CDH4: variants seen among roughly 807,000 people sequenced by gnomAD.
CDH4 encodes the protein cadherin 4, also known as cadherin-4.
CDH4 carries 33 observed loss-of-function variants against 86.0 expected under a neutral mutation model. That is an observed-to-expected ratio of 0.38 (90% CI 0.29 to 0.51). The LOEUF is 0.51. Among genes scored for constraint, CDH4 ranks in the 20% least tolerant of loss-of-function variants. CDH4 has a pLI of 0.86. For missense variants in CDH4, 1,114 were observed against 1,307.4 expected, an observed-to-expected ratio of 0.85 and a Z score of 2.28; for synonymous variants, 555 against 549.4, an observed-to-expected ratio of 1.01 and a Z score of -0.14.
At chr20:61,746,304 C>T (rs2145947308) in intron 3 of CDH4, among the ~76,000 whole-genome samples, 1 of 152,280 alleles carries the variant, frequency 6.6e-6, no homozygotes, top group South Asian at 2.1e-4. Context: ...ATGACTGTTG[C>T]AGGGCACAGT....
At chr20:61,574,025 G>A (rs546003884) in intron 2 of CDH4, among the ~76,000 whole-genome samples, 23 of 152,258 alleles carry the variant, frequency 1.5e-4, no homozygotes, top group African/African-American at 4.1e-4. Flanking sequence ...GAAGCCCCAC[G>A]GGCCTGCGAG....
In CDH4 at chr20:61,663,337, G is replaced by A. The variant is rs2087282449; in HGVS notation, c.170-80226G>A. Among the ~76,000 whole-genome samples, 1 of 152,388 alleles carries A rather than the reference G, an allele frequency of 6.6e-6. No homozygotes were observed. The highest frequency in any genetic ancestry group is 1.9e-4 in the East Asian group (1 of 5,184). On this transcript the variant is annotated intron_variant, in intron 2 of 15. Transcript: ENST00000614565. The surrounding 1 kb of genome is among the most constrained non-coding windows in gnomAD (Gnocchi z 5.0). ...CCTGTGCTGCGGAGCTCCTGGGAGG[G>A]TGACGCTGGGGCAGGGGCTGCTGCG...
chr20:61,528,411 GGGGT>G, intron 2 of CDH4, among the ~76,000 whole-genome samples: 1 of 121,976 alleles, frequency 8.2e-6, no homozygotes, highest in African/African-American at 3.1e-5. Flanking sequence ...GGAGGGGAGG[GGGGT>G]GGAGGGGGAG....
chr20:61,315,294 G>A (rs2084470263), intron 2 of CDH4, among the ~76,000 whole-genome samples: 1 of 152,146 alleles, frequency 6.6e-6, no homozygotes, highest in South Asian at 2.1e-4. Context: ...TGGGCATGAG[G>A]CAGGAAGATG....
At chr20:61,648,108 A>T (rs997155401) in intron 2 of CDH4, among the ~76,000 whole-genome samples, 32 of 152,228 alleles carry the variant, frequency 2.1e-4, no homozygotes, top group African/African-American at 7.5e-4. Context: ...CATTGCCCTC[A>T]GAGGAGCGCA....
At chr20:61,851,680 C>G (rs1469577106) in intron 5 of CDH4, among the ~76,000 whole-genome samples, 1 of 152,186 alleles carries the variant, frequency 6.6e-6, no homozygotes, top group Non-Finnish European at 1.5e-5. Flanking sequence ...CGGATGTGCC[C>G]TTTCCACTCC....
rs117518578 is a variant in CDH4, at chr20:61,604,083, A to G, written c.170-139480A>G. ...CCGAGCCTCCCCTTACCCACATCCTAACAGAGAGCCTGGGTGTTGTTTAGA... is the reference window on the plus strand; with the variant it reads ...CCGAGCCTCCCCTTACCCACATCCTGACAGAGAGCCTGGGTGTTGTTTAGA... On this transcript the variant is annotated intron_variant, in intron 2 of 15. Coordinates refer to ENST00000614565, the MANE Select transcript of CDH4 (RefSeq NM_001794.5). Among the ~76,000 whole-genome samples, 735 of 152,216 alleles carry G rather than the reference A, an allele frequency of 4.8e-3. 3 individuals are homozygous for G. Among genetic ancestry groups the G allele is most frequent in the Non-Finnish European group, 7.1e-3 (482 of 68,016 alleles).
intron 5 of CDH4, among the ~76,000 whole-genome samples, chr20:61,848,753 C>T (rs1982578674): frequency 6.6e-6 from 1 of 152,180 alleles, no homozygotes; most frequent in African/African-American, 2.4e-5. Context: ...GTCTCAAACT[C>T]CTGAGCTCAA....
intron 2 of CDH4, among the ~76,000 whole-genome samples, chr20:61,456,308 T>C (rs1016582294): frequency 1.3e-5 from 2 of 152,230 alleles, no homozygotes; most frequent in Non-Finnish European, 2.9e-5. Context: ...GGTGAAATCT[T>C]AGGTTGGCTT....
chr20:61,508,776 A>G (rs1293522668), intron 2 of CDH4, among the ~76,000 whole-genome samples: 1 of 152,238 alleles, frequency 6.6e-6, no homozygotes, highest in East Asian at 1.9e-4. Context: ...GCTCTTGAGC[A>G]GCACAGAAAG....
At chr20:61,559,519 C>CTTTTTTTTTTTTTTTTTTTTTTTTTTT (rs1156864328) in intron 2 of CDH4, among the ~76,000 whole-genome samples, 3 of 105,164 alleles carry the variant, frequency 2.9e-5, no homozygotes, top group East Asian at 2.7e-4. Flanking sequence ...ATTTTTTTTT[C>CTTTTTTTTTTTTTTTTTTTTTTTTTTT]TTTTTTTTTT....
Position 61,676,473 on chromosome 20 carries a change from G to A in CDH4, c.170-67090G>A, listed in dbSNP as rs1465084646. Among the ~76,000 whole-genome samples, 1 of 152,116 alleles carries A rather than the reference G, an allele frequency of 6.6e-6. No individual in the cohort carries two copies. Among genetic ancestry groups the A allele is most frequent in the Non-Finnish European group, 1.5e-5 (1 of 68,038 alleles). On this transcript the variant is annotated intron_variant, in intron 2 of 15. Coordinates refer to ENST00000614565, the MANE Select transcript of CDH4 (RefSeq NM_001794.5). This position sits in a 1 kb window ranked among gnomAD's most constrained non-coding sequence, Gnocchi z 4.5. The stretch of plus-strand genomic sequence containing the variant: ...GAGGCCCGGGGCTCCCTCCTCCTGG[G>A]TCTACCCCTTTAGGAGCAGGGTGGA...
chr20:61,835,065 A>T (rs11699047), intron 4 of CDH4, among the ~76,000 whole-genome samples: 65,160 of 151,990 alleles, frequency 0.43, 16,688 homozygotes, highest in Non-Finnish European at 0.58. Context: ...AAGAATACAG[A>T]GTTCATTTTT....
chr20:61,413,406 T>A (rs886884168), intron 2 of CDH4, among the ~76,000 whole-genome samples: 1 of 152,152 alleles, frequency 6.6e-6, no homozygotes, highest in Non-Finnish European at 1.5e-5. Context: ...TGAGTGGTTG[T>A]GGAGCCGGGC....
intron 2 of CDH4, among the ~76,000 whole-genome samples, chr20:61,580,379 C>T (rs556888973): frequency 6.6e-6 from 1 of 152,128 alleles, no homozygotes; most frequent in Non-Finnish European, 1.5e-5. Context: ...TGCTGGCCAC[C>T]CGGGAGGTGG....
chr20:61,352,435 C>G (rs1304347479), intron 2 of CDH4, among the ~76,000 whole-genome samples: 1 of 152,186 alleles, frequency 6.6e-6, no homozygotes, highest in Non-Finnish European at 1.5e-5. Flanking sequence ...GCAGTGAGCA[C>G]GTCTGAAAAT....
intron 2 of CDH4, among the ~76,000 whole-genome samples, chr20:61,653,559 C>CA (rs2145819850): frequency 1.5e-5 from 2 of 130,486 alleles, no homozygotes; most frequent in Non-Finnish European, 1.7e-5. Context: ...GCTGGCCAGG[C>CA]GGGGGCTGAC....
intron 2 of CDH4, among the ~76,000 whole-genome samples, chr20:61,590,351 G>A (rs1036946542): frequency 2.0e-5 from 3 of 152,104 alleles, no homozygotes; most frequent in Admixed American, 6.5e-5. Context: ...AGGGAGCTGC[G>A]ATGGCCCAGT....
rs369505276 is a variant in CDH4 at position 61,902,101 on chromosome 20, T to G, written c.1188+7054T>G. 2.6e-5 allele frequency among the ~76,000 whole-genome samples: 4 copies of G among 152,338 alleles called. No individual in the cohort carries two copies. The highest frequency in any genetic ancestry group is 7.2e-5 in the African/African-American group (3 of 41,584). ...CTGGAGCCAGGGGCACCTTCTGGCT[T>G]CCAGCAACTGATGGAAATTCAAACC... On this transcript the variant is annotated intron_variant, in intron 8 of 15. Coordinates refer to ENST00000614565, the MANE Select transcript of CDH4 (RefSeq NM_001794.5). The surrounding 1 kb of genome is among the most constrained non-coding windows in gnomAD (Gnocchi z 4.6).
Sources: gnomAD v4.1 joint callset for allele counts (sites outside exome capture counted in the v4.1 genomes callset) on GRCh38, gnomAD v4.1.1 for gene constraint, Gnocchi (gnomAD v3.1) non-coding constraint, MANE v1.5 for transcripts, NCBI Gene and HGNC (gene_info 2026-07-23, HGNC 2026-07-21) for gene names.